LMBRD1: variants seen among roughly 807,000 people sequenced by gnomAD.
LMBRD1 encodes LMBR1 domain containing 1.
A neutral mutation model predicts 74.8 loss-of-function variants in LMBRD1; 64 were observed. That is an observed-to-expected ratio of 0.86 (90% CI 0.70 to 1.05). The LOEUF is 1.05. LMBRD1 is among the 50% of genes least tolerant of loss of function. LMBRD1 has a pLI of 0.00. For missense variants in LMBRD1, 652 were observed against 645.9 expected, an observed-to-expected ratio of 1.01 and a Z score of -0.10; for synonymous variants, 204 against 216.3, an observed-to-expected ratio of 0.94 and a Z score of 0.50.
chr6:69,740,808 T>C (rs1767084971), intron 6 of LMBRD1, among the ~76,000 whole-genome samples: 2 of 152,188 alleles, frequency 1.3e-5, no homozygotes, highest in Admixed American at 1.3e-4. Context: ...GGTTACTATG[T>C]TCAAATGCAC....
intron 3 of LMBRD1, 131 bp downstream of exon 3, chr6:69,780,363 C>T (rs1582156854): frequency 2.8e-6 from 2 of 716,636 alleles, no homozygotes; most frequent in East Asian, 2.7e-5. Flanking sequence ...CTTAAAACTA[C>T]TCCATGTGTG....
chr6:69,753,311 A>G (rs1765202608), intron 3 of LMBRD1, among the ~76,000 whole-genome samples: 1 of 152,210 alleles, frequency 6.6e-6, no homozygotes, highest in African/African-American at 2.4e-5. Context: ...ATGAAACATA[A>G]TAGTACCAGT....
At chr6:69,795,615 G>T (rs946832528) in intron 1 of LMBRD1, among the ~76,000 whole-genome samples, 1 of 152,112 alleles carries the variant, frequency 6.6e-6, no homozygotes, top group Non-Finnish European at 1.5e-5. Flanking sequence ...AAGCCAGGGG[G>T]CTCTCCAAAT....
chr6:69,739,850 G>A (rs1767060726), intron 6 of LMBRD1, among the ~76,000 whole-genome samples: 1 of 152,198 alleles, frequency 6.6e-6, no homozygotes, highest in African/African-American at 2.4e-5. Context: ...GCTCATGCCT[G>A]TAATCCCAGC....
At chr6:69,678,826 AAC>A (rs1337210278) in intron 14 of LMBRD1, among the ~76,000 whole-genome samples, 1 of 152,120 alleles carries the variant, frequency 6.6e-6, no homozygotes, top group Non-Finnish European at 1.5e-5. Flanking sequence ...GGGATCTAAT[AAC>A]ACTTTTTTTG....
intron 2 of LMBRD1, among the ~76,000 whole-genome samples, chr6:69,782,602 A>C (rs1449559107): frequency 6.6e-6 from 1 of 152,024 alleles, no homozygotes; most frequent in African/African-American, 2.4e-5. Flanking sequence ...AATTGCTTTA[A>C]CTTGGGAGGC....
intron 3 of LMBRD1, among the ~76,000 whole-genome samples, chr6:69,756,727 A>G (rs1765276499): frequency 6.6e-6 from 1 of 152,228 alleles, no homozygotes; most frequent in Admixed American, 6.5e-5. Flanking sequence ...GAGACTTGCA[A>G]AACAAGTGCA....
intron 3 of LMBRD1, among the ~76,000 whole-genome samples, chr6:69,763,119 G>C (rs1765405941): frequency 6.6e-6 from 1 of 151,926 alleles, no homozygotes; most frequent in African/African-American, 2.4e-5. Context: ...CTAGTGTTTT[G>C]TGGAAGGCAA....
intron 3 of LMBRD1, among the ~76,000 whole-genome samples, chr6:69,772,881 CAG>C (rs1163882425): frequency 1.3e-5 from 2 of 152,124 alleles, no homozygotes; most frequent in African/African-American, 2.4e-5. Flanking sequence ...ATTGCACTAA[CAG>C]AGAAAATTTC....
intron 9 of LMBRD1, chr6:69,705,847 C>A: frequency 7.5e-7 from 1 of 1,325,236 alleles, no homozygotes; most frequent in East Asian, 2.3e-5. Context: ...TGGCCCTGAA[C>A]CACACTTCAA....
At chr6:69,790,179 T>C (rs1416262686) in intron 2 of LMBRD1, 117 bp downstream of exon 2, 2 of 735,398 alleles carry the variant, frequency 2.7e-6, no homozygotes, top group Admixed American at 2.1e-5. Flanking sequence ...GCTTCTATGT[T>C]GTATTTCCAT....
chr6:69,777,711 A>G (rs1057186695), intron 3 of LMBRD1, among the ~76,000 whole-genome samples: 2 of 152,108 alleles, frequency 1.3e-5, no homozygotes, highest in African/African-American at 4.8e-5. Context: ...GAGGGCATTC[A>G]TGAAAACTAG....
rs573915080 is a variant in LMBRD1, at chr6:69,778,211, C to T, written c.307+2283G>A. ...TTCCTAGATCACTGTCTCAACTATC[C>T]TATTCAAAGCAATTATATTTCTCAC... On this transcript the variant is annotated intron_variant, in intron 3 of 15. Coordinates refer to ENST00000649934, the MANE Select transcript of LMBRD1 (RefSeq NM_018368.4). Among the ~76,000 whole-genome samples the T allele has an allele frequency of 2.0e-5, 3 of 152,288 alleles. No homozygotes were observed. In the South Asian group the frequency reaches 6.2e-4, roughly 32 times the overall value.
intron 13 of LMBRD1, 51 bp downstream of exon 13, chr6:69,698,992 A>G (rs1766067580): frequency 8.1e-6 from 10 of 1,240,364 alleles, no homozygotes; most frequent in Non-Finnish European, 1.2e-5. Context: ...CATTTTAAAT[A>G]TCACTATCTT....
rs530239083 is a variant in LMBRD1 at position 69,701,150 on chromosome 6, T to C, written c.1084-281A>G. On this transcript the variant is annotated intron_variant, in intron 11 of 15. Transcript: ENST00000649934. ...GATAAAAGACTTGATTAAATATTAATACCAAAAATAATTTGGAGAAGGTCA... is the reference window on the plus strand; with the variant it reads ...GATAAAAGACTTGATTAAATATTAACACCAAAAATAATTTGGAGAAGGTCA... 7.8e-4 allele frequency among the ~76,000 whole-genome samples: 119 copies of C among 151,950 alleles called. 2 individuals are homozygous for C. The South Asian group carries it at 0.014, about 18-fold the overall frequency.
chr6:69,739,897 G>A (rs1019592691), intron 6 of LMBRD1, among the ~76,000 whole-genome samples: 1 of 152,172 alleles, frequency 6.6e-6, no homozygotes, highest in African/African-American at 2.4e-5. Context: ...CACAAGGTCA[G>A]GAGTTCGAGA....
chr6:69,695,756 C>T (rs577851317), intron 14 of LMBRD1, among the ~76,000 whole-genome samples: 1 of 152,034 alleles, frequency 6.6e-6, no homozygotes, highest in East Asian at 1.9e-4. Context: ...GTATACCCAA[C>T]TGCTTATGAG....
At chr6:69,724,965 TAA>T (rs1295724710) in intron 7 of LMBRD1, among the ~76,000 whole-genome samples, 3 of 152,044 alleles carry the variant, frequency 2.0e-5, no homozygotes, top group African/African-American at 4.8e-5. Flanking sequence ...TGGAAAAACT[TAA>T]AGACTCCACC....
intron 3 of LMBRD1, among the ~76,000 whole-genome samples, chr6:69,771,375 G>T (rs991974): frequency 0.11 from 17,094 of 152,154 alleles, 2,687 homozygotes; most frequent in African/African-American, 0.35. Context: ...CTGGCAGCTT[G>T]GTTAATATGA....
Sources: allele counts gnomAD v4.1 joint callset (sites outside exome capture counted in the v4.1 genomes callset), GRCh38; gene constraint gnomAD v4.1.1; transcripts MANE v1.5; gene names NCBI Gene and HGNC (gene_info 2026-07-23, HGNC 2026-07-21).